CCT3: variants seen among roughly 807,000 people sequenced by gnomAD.
CCT3 encodes chaperonin containing TCP1 subunit 3, also known as T-complex protein 1 subunit gamma.
CCT3 carries 10 observed loss-of-function variants against 65.3 expected under a neutral mutation model. That is an observed-to-expected ratio of 0.15 (90% CI 0.09 to 0.26). The LOEUF (loss-of-function observed/expected upper bound fraction) is 0.26. Ranked by LOEUF, CCT3 falls within the 10% of genes least tolerant of loss-of-function variation. The pLI, the probability that CCT3 is intolerant of heterozygous loss-of-function variation, is 1.00. For synonymous variants in CCT3, 225 were observed against 242.3 expected, an observed-to-expected ratio of 0.93 and a Z score of 0.66; for missense variants, 626 against 708.7, an observed-to-expected ratio of 0.88 and a Z score of 1.33.
chr1:156,319,398 G>A (rs1399636348), intron 7 of CCT3, among the ~76,000 whole-genome samples: 1 of 152,014 alleles, frequency 6.6e-6, no homozygotes, highest in African/African-American at 2.4e-5. Flanking sequence ...TTACAGGCAT[G>A]AGCCACCACG....
chr1:156,328,560 C>G (rs986231047), intron 5 of CCT3, among the ~76,000 whole-genome samples: 3 of 151,882 alleles, frequency 2.0e-5, no homozygotes, highest in African/African-American at 4.8e-5. Context: ...ACCTTACCCC[C>G]AACCCTGTGC....
Position 156,309,122 on chromosome 1 carries a change from C to T in CCT3, c.*77G>A, listed in dbSNP as rs1360529495. 2.1e-6 allele frequency: 2 copies of T among 971,814 alleles called. No homozygotes were observed. The highest frequency in any genetic ancestry group is 3.3e-6 in the Non-Finnish European group (2 of 600,588). 60.2% of individuals were successfully genotyped at this position (971,814 alleles called of 1,614,324 possible). A position where few individuals can be genotyped will look rare whatever the true frequency, so the allele number is the denominator to read the frequency against. On this transcript the variant is annotated 3_prime_UTR_variant, in exon 14 of 14. Transcript: ENST00000295688. ...GATCCCTTCTGAACAAAGACGTCCA[C>T]AGTGTTCCTGGCACTCTGGCTCAGG...
At chr1:156,335,759 G>A (rs1665311689) in intron 2 of CCT3, 68 bp downstream of exon 2, 1 of 1,321,846 alleles carries the variant, frequency 7.6e-7, no homozygotes, top group Non-Finnish European at 1.1e-6. Flanking sequence ...CAGGACACAT[G>A]GCTATGACCA....
intron 4 of CCT3, 57 bp downstream of exon 4, chr1:156,334,656 C>T: frequency 6.5e-7 from 1 of 1,531,306 alleles, no homozygotes; most frequent in East Asian, 2.3e-5. Flanking sequence ...TTAACAGGTC[C>T]TTTATGTTTA....
intron 5 of CCT3, among the ~76,000 whole-genome samples, chr1:156,325,428 G>T (rs1664757728): frequency 1.3e-5 from 2 of 152,240 alleles, no homozygotes; most frequent in South Asian, 2.1e-4. Flanking sequence ...TCAGGAGGCT[G>T]AGGTTAAGAG....
chr1:156,320,949 G>A lies in CCT3; in HGVS notation c.499C>T (p.Arg167Trp), dbSNP rs117257924. 6.8e-6 allele frequency: 11 copies of A among 1,613,886 alleles called. No individual in the cohort carries two copies. In the East Asian group the frequency reaches 1.6e-4, roughly 23 times the overall value. The change falls in exon 7 of 14, where the codon CGG becomes TGG. Residue 167 changes from arginine to tryptophan, a missense_variant. Arg to Trp is a moderately radical substitution (Grantham distance 101). Transcript: ENST00000295688. ...NSSITTKAIS[R>W]WSSLACNIAL... ...ATGTTGCAAGCCAAAGATGACCACC[G>A]ACTGATGGCTTTGGTAGTAATAGAG...
At chr1:156,319,661 C>T (rs1664467144) in intron 7 of CCT3, among the ~76,000 whole-genome samples, 1 of 151,926 alleles carries the variant, frequency 6.6e-6, no homozygotes, top group Non-Finnish European at 1.5e-5. Flanking sequence ...CCCTTGAGGC[C>T]GGGAGTTCGA....
chr1:156,337,494 G>C (rs1328717870), intron 1 of CCT3: 1 of 174,780 alleles, frequency 5.7e-6, no homozygotes, highest in Non-Finnish European at 1.2e-5. Context: ...CTGGTTAGTG[G>C]GAAAGAGTAC....
rs369252003 is a variant in CCT3, at chr1:156,326,171, GA to G, written c.305-1083del. 9.7e-4 allele frequency among the ~76,000 whole-genome samples: 147 copies of G among 151,762 alleles called. No homozygotes were observed. In the South Asian group the frequency reaches 0.013, roughly 14 times the overall value. On this transcript the variant is annotated intron_variant, in intron 5 of 13. Coordinates refer to ENST00000295688, the MANE Select transcript of CCT3 (RefSeq NM_005998.5). ...AAACATAGCAAAACCCTGTCTCTAC[GA>G]AAAAATTCAAAAATTAGCCAGGTAT... is the stretch of plus-strand genomic sequence containing the variant.
At chr1:156,335,465 A>G (rs1196522723) in intron 2 of CCT3, 1 of 222,784 alleles carries the variant, frequency 4.5e-6, no homozygotes, top group East Asian at 1.0e-4. Context: ...CATTCAAAAG[A>G]CATTTACCGA....
At chr1:156,324,009 C>T (rs527268117) in intron 6 of CCT3, among the ~76,000 whole-genome samples, 54 of 152,068 alleles carry the variant, frequency 3.6e-4, no homozygotes, top group African/African-American at 1.2e-3. Flanking sequence ...GTGATCCACC[C>T]GCCTTGGCCT....
intron 10 of CCT3, among the ~76,000 whole-genome samples, chr1:156,316,429 C>T (rs1347789539): frequency 6.6e-6 from 1 of 152,212 alleles, no homozygotes; most frequent in African/African-American, 2.4e-5. Context: ...GCTTGTCACT[C>T]CCTCCAACTC....
intron 8 of CCT3, among the ~76,000 whole-genome samples, chr1:156,318,016 CCA>C (rs1487511663): frequency 6.6e-6 from 1 of 151,320 alleles, no homozygotes; most frequent in Non-Finnish European, 1.5e-5. Context: ...CCGGCCAGCT[CCA>C]GTTATATCAT....
chr1:156,321,993 C>A (rs1283714943), intron 6 of CCT3, among the ~76,000 whole-genome samples: 1 of 152,200 alleles, frequency 6.6e-6, no homozygotes, highest in Non-Finnish European at 1.5e-5. Context: ...CCATGCTTCA[C>A]GCCTGTAAAC....
At chr1:156,310,776 G>A in intron 12 of CCT3, 87 bp from the exon 13 acceptor site, 3 of 1,491,630 alleles carry the variant, frequency 2.0e-6, no homozygotes, top group Non-Finnish European at 2.8e-6. Flanking sequence ...GGACCAGTAT[G>A]GAAGGGACAG....
At chr1:156,328,349 G>A (rs1331573992) in intron 5 of CCT3, among the ~76,000 whole-genome samples, 1 of 152,128 alleles carries the variant, frequency 6.6e-6, no homozygotes, top group Admixed American at 6.6e-5. Flanking sequence ...ACCCTGTCTG[G>A]GAGGTCTACC....
intron 1 of CCT3, chr1:156,337,260 T>C: frequency 2.9e-6 from 1 of 339,432 alleles, no homozygotes; most frequent in Non-Finnish European, 5.6e-6. Flanking sequence ...ATACAAAAAT[T>C]AGCCGTGCGT....
At chr1:156,320,373 A>G (rs1217764492) in intron 7 of CCT3, among the ~76,000 whole-genome samples, 3 of 152,174 alleles carry the variant, frequency 2.0e-5, no homozygotes, top group East Asian at 1.9e-4. Context: ...GCACCACTGC[A>G]CTCTAGCCTC....
chr1:156,333,461 T>C, intron 5 of CCT3, 86 bp downstream of exon 5: 1 of 917,312 alleles, frequency 1.1e-6, no homozygotes, highest in Non-Finnish European at 1.8e-6. Flanking sequence ...CTGTAATTAG[T>C]GGATCTGTAA....
Sources: gnomAD v4.1 joint callset for allele counts (sites outside exome capture counted in the v4.1 genomes callset) on GRCh38, gnomAD v4.1.1 for gene constraint, MANE v1.5 for transcripts, NCBI Gene and HGNC (gene_info 2026-07-23, HGNC 2026-07-21) for gene names.